PCMTD2: variants seen among roughly 807,000 people sequenced by gnomAD.
PCMTD2 encodes protein-L-isoaspartate O-methyltransferase domain-containing protein 2.
In PCMTD2, 16 loss-of-function variants were observed where a neutral mutation model predicts 33.4. That is an observed-to-expected ratio of 0.48 (90% CI 0.32 to 0.73). The LOEUF is 0.73. Among genes scored for constraint, PCMTD2 ranks in the 30% least tolerant of loss-of-function variants. The pLI, the probability that PCMTD2 is intolerant of heterozygous loss-of-function variation, is 0.03. For missense variants in PCMTD2, 374 were observed against 449.9 expected, an observed-to-expected ratio of 0.83 and a Z score of 1.53; for synonymous variants, 161 against 160.8, an observed-to-expected ratio of 1.00 and a Z score of -0.01.
At chr20:64,264,651 A>C (rs181754850) in intron 3 of PCMTD2, 120 bp downstream of exon 3, 1 of 629,806 alleles carries the variant, frequency 1.6e-6, no homozygotes, top group East Asian at 2.7e-5. Context: ...GGATGATTCT[A>C]TGTGCCTGTT....
At chr20:64,265,167 TG>T in intron 3 of PCMTD2, 90 bp from the exon 4 acceptor site, 1 of 854,716 alleles carries the variant, frequency 1.2e-6, no homozygotes, top group Non-Finnish European at 1.8e-6. Flanking sequence ...TACATTGCTG[TG>T]GGATTTTAAC....
intron 1 of PCMTD2, 118 bp downstream of exon 1, chr20:64,255,988 TC>T: frequency 6.8e-6 from 1 of 147,126 alleles, no homozygotes; most frequent in Non-Finnish European, 1.5e-5. Context: ...CCCGGAGCTC[TC>T]CTCTGGGGGC....
rs1601745014 is a variant in PCMTD2 at position 64,267,869 on chromosome 20, A to G, written c.583-18A>G. The G allele has an allele frequency of 1.2e-6, 2 of 1,609,972 alleles. No homozygotes were observed. Among genetic ancestry groups the G allele is most frequent in the Non-Finnish European group, 1.7e-6 (2 of 1,177,068 alleles). Reference sequence around the variant, plus strand: ...GTAGCCAATTCTTTTGAATATTCTCATTTTGTCTCTGGGATAGTTGACTAA... The same window carrying G: ...GTAGCCAATTCTTTTGAATATTCTCGTTTTGTCTCTGGGATAGTTGACTAA... On this transcript the variant is annotated intron_variant, in intron 4 of 5. Transcript: ENST00000308824.
chr20:64,259,429 C>T lies in PCMTD2; in HGVS notation c.-24-513C>T, dbSNP rs573034686. ...TTTGAGACAGAGTCTTGCTCTGTTCCGCAAGCTGGAGTGCAGTGGTACGAG... is the reference window on the plus strand; with the variant it reads ...TTTGAGACAGAGTCTTGCTCTGTTCTGCAAGCTGGAGTGCAGTGGTACGAG... On this transcript the variant is annotated intron_variant, in intron 1 of 5. Transcript: ENST00000308824. 1.5e-4 allele frequency among the ~76,000 whole-genome samples: 22 copies of T among 149,538 alleles called. 1 individual carries two copies. In the South Asian group the frequency reaches 4.5e-3, roughly 30 times the overall value.
At chr20:64,272,769 G>C (rs1353100301) in intron 5 of PCMTD2, among the ~76,000 whole-genome samples, 2 of 152,184 alleles carry the variant, frequency 1.3e-5, no homozygotes, top group South Asian at 4.1e-4. Context: ...GCAGTAAGTC[G>C]AGATCACACC....
intron 1 of PCMTD2, chr20:64,257,197 C>G (rs1351124404): frequency 6.6e-6 from 1 of 152,184 alleles, no homozygotes; most frequent in Non-Finnish European, 1.5e-5. Flanking sequence ...TGTGATCTTC[C>G]GTATGTCGCC....
At chr20:64,268,758 C>A (rs1412581369) in intron 5 of PCMTD2, among the ~76,000 whole-genome samples, 1 of 151,380 alleles carries the variant, frequency 6.6e-6, no homozygotes, top group South Asian at 2.1e-4. Flanking sequence ...AAAAGTTTTA[C>A]ATTTTGGCAA....
At chr20:64,258,978 C>T (rs1985280085) in intron 1 of PCMTD2, 1 of 152,224 alleles carries the variant, frequency 6.6e-6, no homozygotes, top group African/African-American at 2.4e-5. Context: ...GCTGAAGCTA[C>T]CCTGTATTTT....
In PCMTD2 at chr20:64,260,185, GA is replaced by G. The variant is rs754587072; in HGVS notation, c.222del (p.Ala75ProfsTer2). ...CCCGTGCATCTACTCGGAGGTGATGGAAGCCCTAGATCTGCAGCCTGGACTC... is the reference window on the plus strand; with the variant it reads ...CCCGTGCATCTACTCGGAGGTGATGGAGCCCTAGATCTGCAGCCTGGACTC... ...SAPCIYSEVM[E>X]ALDLQPGLSF... On this transcript the variant is annotated frameshift_variant, in exon 2 of 6. Coordinates refer to ENST00000308824, the MANE Select transcript of PCMTD2 (RefSeq NM_018257.3). LOFTEE classifies it high-confidence loss of function. 1 of 1,613,646 alleles carries G rather than the reference GA, an allele frequency of 6.2e-7. No homozygotes were observed. The highest frequency in any genetic ancestry group is 1.1e-5 in the South Asian group (1 of 91,076).
chr20:64,273,674 G>C lies in PCMTD2; in HGVS notation c.*74G>C. On this transcript the variant is annotated 3_prime_UTR_variant, in exon 6 of 6. Transcript: ENST00000308824. ...AAGTTCGTGCTGCCTGTGTGCTGTT[G>C]AAGGGTCACCTGGAGGCAGACGTTG... 2.2e-6 allele frequency: 3 copies of C among 1,346,392 alleles called. No homozygotes were observed. Among genetic ancestry groups the C allele is most frequent in the Non-Finnish European group, 3.0e-6 (3 of 992,870 alleles). 83.4% of individuals were successfully genotyped at this position (1,346,392 alleles called of 1,614,324 possible).
rs926473223 is a variant in PCMTD2, at chr20:64,274,154, T to C, written c.*554T>C. On this transcript the variant is annotated 3_prime_UTR_variant, in exon 6 of 6. Coordinates refer to ENST00000308824, the MANE Select transcript of PCMTD2 (RefSeq NM_018257.3). ...TTAGTTTTCTAGTGGGGAAACATTA[T>C]TGAGAAGCCCTCCCTTATTTTAAGT... is the stretch of plus-strand genomic sequence containing the variant. The C allele has an allele frequency of 3.3e-5, 5 of 152,292 alleles. No individual in the cohort carries two copies. The highest frequency in any genetic ancestry group is 1.2e-4 in the African/African-American group (5 of 41,470). 9.4% of individuals were successfully genotyped at this position (152,292 alleles called of 1,614,324 possible). A position where few individuals can be genotyped will look rare whatever the true frequency, so the allele number is the denominator to read the frequency against.
rs756602714 is a variant in PCMTD2, at chr20:64,259,952, G to A, written c.-14G>A. 4 of 1,576,314 alleles carry A rather than the reference G, an allele frequency of 2.5e-6. No individual in the cohort carries two copies. Among genetic ancestry groups the A allele is most frequent in the Admixed American group, 1.7e-5 (1 of 59,578 alleles). On this transcript the variant is annotated 5_prime_UTR_variant, in exon 2 of 6. In the 5' UTR this introduces an upstream ATG that the reference lacks. Transcript: ENST00000308824. The stretch of plus-strand genomic sequence containing the variant: ...CATTTTTAATTATAGTATTGCCTAA[G>A]TGTAATCTTGAACATGGGCGGTGCT...
chr20:64,259,915 G>T (rs370357255), intron 1 of PCMTD2, 27 bp from the exon 2 acceptor site: 3 of 1,150,670 alleles, frequency 2.6e-6, no homozygotes, highest in Admixed American at 3.8e-5. Flanking sequence ...AACATAAATC[G>T]CTCTTTTTAA....
intron 2 of PCMTD2, 83 bp from the exon 3 acceptor site, chr20:64,264,345 AC>A: frequency 1.4e-6 from 1 of 730,380 alleles, no homozygotes; most frequent in Non-Finnish European, 2.5e-6. Flanking sequence ...GTTAAGTCAG[AC>A]GTGTTACAGT....
rs115893904 is a variant in PCMTD2, at chr20:64,265,351, C to A, written c.504C>A (p.Gly168=). Residue 168 remains glycine, a synonymous_variant, in exon 4 of 6, where the codon GGC becomes GGA. Coordinates refer to ENST00000308824, the MANE Select transcript of PCMTD2 (RefSeq NM_018257.3). ...SQYDRVYCGA[G]VQKEHEEYMK... ...ATGATCGTGTATACTGTGGGGCTGG[C>A]GTGCAGAAAGAGCATGAAGAGTACA... is the stretch of plus-strand genomic sequence containing the variant. 3.8e-4 allele frequency: 615 copies of A among 1,613,212 alleles called. 5 individuals carry two copies. In the African/African-American group the frequency reaches 7.3e-3, roughly 19 times the overall value.
chr20:64,264,095 CAG>C (rs1480852213), intron 2 of PCMTD2, among the ~76,000 whole-genome samples: 3 of 152,204 alleles, frequency 2.0e-5, no homozygotes, highest in Non-Finnish European at 2.9e-5. Context: ...TCAGGGAAAA[CAG>C]AATCGTCTTA....
rs1359242363 is a variant in PCMTD2, at chr20:64,265,307, T to G, written c.460T>G (p.Ser154Ala). 1 of 1,610,046 alleles carries G rather than the reference T, an allele frequency of 6.2e-7. No individual in the cohort carries two copies. The highest frequency in any genetic ancestry group is 1.7e-5 in the Admixed American group (1 of 59,398). ...TGTTACTGGGAATTGCCTGGAGATTTCTCCGGATTGTTCTCAGTATGATCG... is the reference window on the plus strand; with the variant it reads ...TGTTACTGGGAATTGCCTGGAGATTGCTCCGGATTGTTCTCAGTATGATCG... ...SFVTGNCLEI[S>A]PDCSQYDRVY... is the part of the protein sequence containing the mutation. Residue 154 changes from serine to alanine, a missense_variant, in exon 4 of 6, where the codon TCT becomes GCT. By Grantham distance (99) the Ser-to-Ala change is moderately conservative (BLOSUM62 1). Transcript: ENST00000308824.
At position 64,267,938 on chromosome 20, in the gene PCMTD2, C is replaced by A. The variant is rs373544697; in HGVS notation, c.634C>A (p.Leu212Ile). 2 of 1,613,430 alleles carry A rather than the reference C, an allele frequency of 1.2e-6. No homozygotes were observed. The highest frequency in any genetic ancestry group is 1.7e-6 in the Non-Finnish European group (2 of 1,179,368). Residue 212 changes from leucine to isoleucine, a missense_variant, in exon 5 of 6, where the codon CTT becomes ATT. Leu to Ile is a conservative substitution (Grantham distance 5). Transcript: ENST00000308824. ...GPSAWETKKI[L>I]AVSFAPLIQP... ...TTCAGCTTGGGAAACCAAAAAGATT[C>A]TTGCTGTTTCTTTTGCTCCTCTGAT...
At chr20:64,266,432 AT>A (rs1985661217) in intron 4 of PCMTD2, among the ~76,000 whole-genome samples, 1 of 151,904 alleles carries the variant, frequency 6.6e-6, no homozygotes, top group South Asian at 2.1e-4. Flanking sequence ...TAATTTTTGT[AT>A]TTTTAGTAGA....
Sources: gnomAD v4.1 joint callset for allele counts (sites outside exome capture counted in the v4.1 genomes callset) on GRCh38, gnomAD v4.1.1 for gene constraint, MANE v1.5 for transcripts, NCBI Gene and HGNC (gene_info 2026-07-23, HGNC 2026-07-21) for gene names.